STOX2: variants seen among roughly 807,000 people sequenced by gnomAD.
STOX2 encodes the protein storkhead box 2, also known as storkhead-box protein 2.
A neutral mutation model predicts 60.9 loss-of-function variants in STOX2; 28 were observed. The observed-to-expected ratio is 0.46, with a 90% CI of 0.34 to 0.63. STOX2 has a LOEUF of 0.63. Among genes scored for constraint, STOX2 ranks in the 30% least tolerant of loss-of-function variants. STOX2 has a pLI of 0.01. For synonymous variants in STOX2, 472 were observed against 463.9 expected, an observed-to-expected ratio of 1.02 and a Z score of -0.22; for missense variants, 1,024 against 1,187.7, an observed-to-expected ratio of 0.86 and a Z score of 2.03.
intron 1 of STOX2, among the ~76,000 whole-genome samples, chr4:183,936,176 T>C (rs28709244): frequency 0.23 from 34,299 of 152,134 alleles, 6,798 homozygotes; most frequent in African/African-American, 0.53. Context: ...TTTAAGTACT[T>C]CTGCAGTCTT....
intron 1 of STOX2, among the ~76,000 whole-genome samples, chr4:183,851,108 A>G (rs1740117770): frequency 1.3e-5 from 1 of 76,528 alleles, no homozygotes. Context: ...CGATGAGGGA[A>G]ACGATGAGGG....
chr4:183,962,824 T>C (rs1380324900), intron 1 of STOX2, among the ~76,000 whole-genome samples: 1 of 152,282 alleles, frequency 6.6e-6, no homozygotes, highest in Non-Finnish European at 1.5e-5. Context: ...AGTGTGCTTT[T>C]AGATAATTTG....
chr4:183,885,304 A>G (rs1035992427), intron 1 of STOX2, among the ~76,000 whole-genome samples: 13 of 152,226 alleles, frequency 8.5e-5, no homozygotes, highest in African/African-American at 3.1e-4. Flanking sequence ...CAAGAAGGAC[A>G]AGTGTTTCAG....
chr4:184,003,526 T>C (rs1733681773), intron 2 of STOX2, among the ~76,000 whole-genome samples: 1 of 152,222 alleles, frequency 6.6e-6, no homozygotes, highest in Non-Finnish European at 1.5e-5. Context: ...TGATGACTCA[T>C]TGGTCAGCCT....
chr4:183,857,202 G>A (rs1443348810), intron 1 of STOX2, among the ~76,000 whole-genome samples: 2 of 151,908 alleles, frequency 1.3e-5, no homozygotes, highest in Non-Finnish European at 2.9e-5. Context: ...CATCCTGCAG[G>A]TCTCATCATC....
chr4:183,896,556 G>A (rs947025190), intron 1 of STOX2, among the ~76,000 whole-genome samples: 2 of 152,150 alleles, frequency 1.3e-5, no homozygotes, highest in African/African-American at 2.4e-5. Flanking sequence ...TGCCCAGGCT[G>A]TTCTCAAACT....
chr4:184,001,034 A>G lies in STOX2; in HGVS notation c.167-291A>G, dbSNP rs977023896. 2.0e-5 allele frequency among the ~76,000 whole-genome samples: 3 copies of G among 152,222 alleles called. No homozygotes were observed. The highest frequency in any genetic ancestry group is 2.4e-5 in the African/African-American group (1 of 41,458). On this transcript the variant is annotated intron_variant, in intron 1 of 3. Transcript: ENST00000308497. The surrounding 1 kb of genome is among the most constrained non-coding windows in gnomAD (Gnocchi z 4.2). ...CCAAGTTAATAAAAACGGAAATAAAAGCCTGTTGTTGCAAGACTTTCAGTA... is the reference window on the plus strand; with the variant it reads ...CCAAGTTAATAAAAACGGAAATAAAGGCCTGTTGTTGCAAGACTTTCAGTA...
chr4:183,957,648 A>G (rs942911026), intron 1 of STOX2, among the ~76,000 whole-genome samples: 9 of 152,294 alleles, frequency 5.9e-5, no homozygotes, highest in African/African-American at 2.2e-4. Flanking sequence ...AAATCCTTTC[A>G]ATCTTGTCCC....
chr4:183,980,223 T>TA (rs770362927), intron 1 of STOX2, among the ~76,000 whole-genome samples: 53 of 152,284 alleles, frequency 3.5e-4, no homozygotes, highest in Non-Finnish European at 5.9e-4. Context: ...AGGGAGGTGA[T>TA]ACTGAGGATG....
intron 1 of STOX2, among the ~76,000 whole-genome samples, chr4:183,803,310 A>C (rs562586795): frequency 6.6e-6 from 1 of 152,242 alleles, no homozygotes; most frequent in South Asian, 2.1e-4. Flanking sequence ...TCCTGGCCTC[A>C]AGCAGTCCTC....
chr4:183,841,984 G>A (rs942159817), intron 1 of STOX2, among the ~76,000 whole-genome samples: 1 of 152,208 alleles, frequency 6.6e-6, no homozygotes, highest in African/African-American at 2.4e-5. Flanking sequence ...GCCAGTGTGT[G>A]GCTTAAGTAA....
At position 184,017,237 on chromosome 4, in the gene STOX2, C is replaced by T; in HGVS notation, c.2734C>T (p.Leu912=). Reference sequence around the variant, plus strand: ...GCCCCCGACAAATGAAGCTGAGAAGCTACAGAAACCTTCCAACTGCTTGCA... The same window carrying T: ...GCCCCCGACAAATGAAGCTGAGAAGTTACAGAAACCTTCCAACTGCTTGCA... ...AEPPTNEAEK[L]QKPSNCLQAS... Residue 912 remains leucine, a synonymous_variant, in exon 4 of 4, where the codon CTA becomes TTA. Transcript: ENST00000308497. 6.2e-7 allele frequency: 1 copy of T among 1,606,236 alleles called. No homozygotes were observed.
At chr4:183,998,497 C>A (rs1454208130) in intron 1 of STOX2, among the ~76,000 whole-genome samples, 1 of 152,204 alleles carries the variant, frequency 6.6e-6, no homozygotes, top group East Asian at 1.9e-4. Context: ...ACTCCCACCT[C>A]TGCTGCAGCT....
At chr4:183,949,140 G>A (rs570095007) in intron 1 of STOX2, among the ~76,000 whole-genome samples, 2 of 152,202 alleles carry the variant, frequency 1.3e-5, no homozygotes, top group South Asian at 2.1e-4. Context: ...GGTGGGGAAA[G>A]CAGTGTTCAC....
chr4:183,889,732 T>C (rs1262453254), intron 1 of STOX2, among the ~76,000 whole-genome samples: 1 of 152,122 alleles, frequency 6.6e-6, no homozygotes, highest in Non-Finnish European at 1.5e-5. Context: ...CAGGCCTGAG[T>C]CTGAGGCCAG....
intron 1 of STOX2, among the ~76,000 whole-genome samples, chr4:183,816,471 G>A (rs903443426): frequency 1.3e-5 from 2 of 152,048 alleles, no homozygotes; most frequent in Middle Eastern, 3.2e-3. Context: ...CATAAAAATC[G>A]GAACAGTAGA....
intron 1 of STOX2, among the ~76,000 whole-genome samples, chr4:183,804,234 T>A (rs1186490535): frequency 6.6e-6 from 1 of 152,214 alleles, no homozygotes; most frequent in Non-Finnish European, 1.5e-5. Flanking sequence ...TCTCCAGGGA[T>A]GCCTACTTAA....
intron 1 of STOX2, among the ~76,000 whole-genome samples, chr4:183,908,270 C>A (rs1204480380): frequency 6.6e-6 from 1 of 152,208 alleles, no homozygotes; most frequent in Non-Finnish European, 1.5e-5. Context: ...GTTTATACTT[C>A]AGTCATTTAA....
At chr4:183,951,818 C>A (rs1743105216) in intron 1 of STOX2, among the ~76,000 whole-genome samples, 1 of 152,050 alleles carries the variant, frequency 6.6e-6, no homozygotes, top group Non-Finnish European at 1.5e-5. Context: ...TGGTGCATGC[C>A]TGTAGTTCCA....
Sources: allele counts gnomAD v4.1 joint callset (sites outside exome capture counted in the v4.1 genomes callset), GRCh38; gene constraint gnomAD v4.1.1; non-coding constraint Gnocchi (gnomAD v3.1); transcripts MANE v1.5; gene names NCBI Gene and HGNC (gene_info 2026-07-23, HGNC 2026-07-21).